The following PCDHGB1 variants were observed in gnomAD, a reference collection of about 807,000 sequenced individuals.
PCDHGB1 encodes protocadherin gamma subfamily B, 1, also known as protocadherin gamma-B1.
Under a neutral mutation model 56.6 loss-of-function variants are expected in PCDHGB1, and 34 were observed. The observed-to-expected ratio is 0.60, with a 90% CI of 0.46 to 0.80. The LOEUF (loss-of-function observed/expected upper bound fraction) is 0.80, where lower values mean the gene tolerates loss of function less well. PCDHGB1 is among the 30% of genes least tolerant of loss of function. The pLI is 0.00. For synonymous variants in PCDHGB1, 561 were observed against 505.9 expected (o/e 1.11, Z -1.46); for missense variants, 1,278 against 1,204.6 (o/e 1.06, Z -0.90).
intron 1 of PCDHGB1, chr5:141,366,482 C>A: frequency 6.2e-7 from 1 of 1,614,242 alleles, no homozygotes; most frequent in Non-Finnish European, 8.5e-7. Flanking sequence ...CAGACTGAGG[C>A]GCTGGCACAA....
At position 141,401,132 on chromosome 5, in the gene PCDHGB1, A is replaced by G. The variant is rs534048041; in HGVS notation, c.2409+48463A>G. Among the ~76,000 whole-genome samples, 4 of 152,344 alleles carry G rather than the reference A, an allele frequency of 2.6e-5. No homozygotes were observed. In the South Asian group the frequency reaches 8.3e-4, roughly 32 times the overall value. ...GCCGAGGCGGTTGGATCACATGGTCAGGAGTTCAAGACCAGCCTGGGCAAT... is the reference window on the plus strand; with the variant it reads ...GCCGAGGCGGTTGGATCACATGGTCGGGAGTTCAAGACCAGCCTGGGCAAT... On this transcript the variant is annotated intron_variant, in intron 1 of 3. Coordinates refer to ENST00000523390, the MANE Select transcript of PCDHGB1 (RefSeq NM_018922.3).
chr5:141,511,537 A>C lies in PCDHGB1; in HGVS notation c.*364A>C. 6.3e-6 allele frequency: 2 copies of C among 319,254 alleles called. No individual in the cohort carries two copies. The highest frequency in any genetic ancestry group is 6.7e-5 in the South Asian group (2 of 29,854). 19.8% of individuals were successfully genotyped at this position (319,254 alleles called of 1,614,324 possible). A position where few individuals can be genotyped will look rare whatever the true frequency, so the allele number is the denominator to read the frequency against. On this transcript the variant is annotated 3_prime_UTR_variant, in exon 4 of 4. Transcript: ENST00000523390. ...TCCATCCCATGCCTCCCTCCTCCCC[A>C]CCCCACTCCAACAGTTCCTCTTTCC... is the stretch of plus-strand genomic sequence containing the variant.
At position 141,510,993 on chromosome 5, in the gene PCDHGB1, G is replaced by A. The variant is rs1457918073; in HGVS notation, c.2604G>A (p.Met868Ile). The A allele has an allele frequency of 4.3e-6, 7 of 1,614,046 alleles. No homozygotes were observed. Among genetic ancestry groups the A allele is most frequent in the African/African-American group, 1.3e-5 (1 of 74,906 alleles). ...CCCTGGGAGGGGGTGCCGGCACCAT[G>A]GGATTGAGCGCCCGCTACGGACCCC... ...SSTLGGGAGT[M>I]GLSARYGPQF... The change falls in exon 4 of 4, where the codon ATG (methionine) becomes ATA (isoleucine). Residue 868 changes from methionine to isoleucine, a missense_variant. Transcript: ENST00000523390.
intron 1 of PCDHGB1, among the ~76,000 whole-genome samples, chr5:141,473,831 A>G (rs950283433): frequency 1.3e-5 from 2 of 152,252 alleles, no homozygotes; most frequent in African/African-American, 4.8e-5. Context: ...GTGTGATCCA[A>G]TTAAAATTTT....
intron 1 of PCDHGB1, chr5:141,415,069 A>G (rs1323441877): frequency 1.1e-5 from 18 of 1,613,420 alleles, no homozygotes; most frequent in Non-Finnish European, 1.5e-5. Flanking sequence ...CGAGGTGCGC[A>G]CGGCGCGAGC....
At chr5:141,492,404 T>C (rs944864208) in intron 1 of PCDHGB1, among the ~76,000 whole-genome samples, 9 of 152,316 alleles carry the variant, frequency 5.9e-5, no homozygotes, top group African/African-American at 1.9e-4. Context: ...GCAGCTCCCC[T>C]CTGCCGCTCC....
intron 1 of PCDHGB1, chr5:141,402,987 G>GATTA: frequency 6.2e-7 from 1 of 1,611,924 alleles, no homozygotes; most frequent in Non-Finnish European, 8.5e-7. Flanking sequence ...CTCCGCGGAA[G>GATTA]ATTAGTCCTG....
chr5:141,502,450 C>T (rs184669731), intron 2 of PCDHGB1, among the ~76,000 whole-genome samples: 3 of 152,010 alleles, frequency 2.0e-5, no homozygotes, highest in Admixed American at 1.3e-4. Context: ...AGATTACACA[C>T]CTTGGTAGGA....
At chr5:141,362,229 G>A (rs900469098) in intron 1 of PCDHGB1, 22 of 1,613,912 alleles carry the variant, frequency 1.4e-5, no homozygotes, top group Non-Finnish European at 1.9e-5. Flanking sequence ...CCTTGGCCTT[G>A]ATCTCAGTGC....
intron 1 of PCDHGB1, chr5:141,394,240 C>G (rs1392586422): frequency 6.2e-7 from 1 of 1,613,822 alleles, no homozygotes; most frequent in African/African-American, 1.3e-5. Flanking sequence ...TCCTTGACTG[C>G]ACACGACCCC....
chr5:141,369,855 C>T (rs904166115), intron 1 of PCDHGB1, among the ~76,000 whole-genome samples: 4 of 152,098 alleles, frequency 2.6e-5, no homozygotes, highest in African/African-American at 7.2e-5. Context: ...TTTTATTTGG[C>T]CCTCATTTCT....
In PCDHGB1 at chr5:141,489,223, C is replaced by T. The variant is rs771455540; in HGVS notation, c.2410-5584C>T. The T allele has an allele frequency of 6.6e-7, 1 of 1,515,444 alleles. No homozygotes were observed. The highest frequency in any genetic ancestry group is 1.3e-5 in the South Asian group (1 of 75,776). 93.9% of individuals were successfully genotyped at this position (1,515,444 alleles called of 1,614,324 possible). A position where few individuals can be genotyped will look rare whatever the true frequency, so the allele number is the denominator to read the frequency against. The stretch of plus-strand genomic sequence containing the variant: ...CAGGACAGCACAGACTTACTCTCCA[C>T]AAAGGGACTTCTGGGTCATGGGGCC... On this transcript the variant is annotated intron_variant, in intron 1 of 3. Coordinates refer to ENST00000523390, the MANE Select transcript of PCDHGB1 (RefSeq NM_018922.3). The surrounding 1 kb of genome is among the most constrained non-coding windows in gnomAD (Gnocchi z 4.5).
At chr5:141,354,906 A>G (rs942158415) in intron 1 of PCDHGB1, 1 of 402,682 alleles carries the variant, frequency 2.5e-6, no homozygotes, top group Non-Finnish European at 4.4e-6. Context: ...ATAGGAATAG[A>G]AAAGTGTATA....
Position 141,350,270 on chromosome 5 carries a change from G to T in PCDHGB1, c.10G>T (p.Ala4Ser). The change falls in exon 1 of 4, where the codon GCC becomes TCC. Residue 4 changes from alanine to serine, a missense_variant. By Grantham distance (99) the Ala-to-Ser change is moderately conservative (BLOSUM62 1). Transcript: ENST00000523390. MQR[A>S]REAEMMKSQV... Reference sequence around the variant, plus strand: ...GCGGAGAGTTCCTGAAATGCAGAGAGCCAGAGAAGCCGAAATGATGAAAAG... The same window carrying T: ...GCGGAGAGTTCCTGAAATGCAGAGATCCAGAGAAGCCGAAATGATGAAAAG... 1 of 1,512,730 alleles carries T rather than the reference G, an allele frequency of 6.6e-7. No individual in the cohort carries two copies. The highest frequency in any genetic ancestry group is 8.8e-7 in the Non-Finnish European group (1 of 1,132,452). The allele number at this position is 1,512,730 out of a possible 1,614,324, so 93.7% of individuals were successfully genotyped here. A position where few individuals can be genotyped will look rare whatever the true frequency, so the allele number is the denominator to read the frequency against.
rs769078532 is a variant in PCDHGB1 at position 141,351,045 on chromosome 5, T to C, written c.785T>C (p.Met262Thr). ...TGGGGAACCTCCGTGCTGCGGGTGA[T>C]GGCCACAGACCAGGATGAGGGCATT... is the stretch of plus-strand genomic sequence containing the variant. ...VPWGTSVLRV[M>T]ATDQDEGINA... The change falls in exon 1 of 4, where the codon ATG (methionine) becomes ACG (threonine). Residue 262 changes from methionine to threonine, a missense_variant. Coordinates refer to ENST00000523390, the MANE Select transcript of PCDHGB1 (RefSeq NM_018922.3). 5.6e-6 allele frequency: 9 copies of C among 1,613,972 alleles called. No homozygotes were observed. The Middle Eastern group carries it at 6.6e-4, about 118-fold the overall frequency.
rs2154591169 is a variant in PCDHGB1 at position 141,493,606 on chromosome 5, T to A, written c.2410-1201T>A. Among the ~76,000 whole-genome samples, 1 of 152,278 alleles carries A rather than the reference T, an allele frequency of 6.6e-6. No homozygotes were observed. Among genetic ancestry groups the A allele is most frequent in the Non-Finnish European group, 1.5e-5 (1 of 68,022 alleles). ...ACAATCACTGCATTTCCATGTAGAT[T>A]CTGCTGTGTCTAAGAATACAGTGGC... On this transcript the variant is annotated intron_variant, in intron 1 of 3. Transcript: ENST00000523390. This position sits in a 1 kb window ranked among gnomAD's most constrained non-coding sequence, Gnocchi z 4.3.
chr5:141,477,794 C>G lies in PCDHGB1; in HGVS notation c.2410-17013C>G, dbSNP rs148942362. The G allele has an allele frequency of 6.2e-7, 1 of 1,614,086 alleles. No individual in the cohort carries two copies. The highest frequency in any genetic ancestry group is 1.1e-5 in the South Asian group (1 of 91,082). On this transcript the variant is annotated intron_variant, in intron 1 of 3. Transcript: ENST00000523390. This position sits in a 1 kb window ranked among gnomAD's most constrained non-coding sequence, Gnocchi z 4.9. ...CAGCGTGAACATATTTGTCACTGAT[C>G]GCAATGACAATGCCCCCCAGGTCCT...
At position 141,390,084 on chromosome 5, in the gene PCDHGB1, G is replaced by A. The variant is rs755692863; in HGVS notation, c.2409+37415G>A. Reference sequence around the variant, plus strand: ...CCAGCCTGGTCTCTGTGTTAAATCCGAATCCGTGGTTCCCCCCAACTACAG... The same window carrying A: ...CCAGCCTGGTCTCTGTGTTAAATCCAAATCCGTGGTTCCCCCCAACTACAG... On this transcript the variant is annotated intron_variant, in intron 1 of 3. Transcript: ENST00000523390. 8 of 1,613,954 alleles carry A rather than the reference G, an allele frequency of 5.0e-6. No homozygotes were observed. In the African/African-American group the frequency reaches 9.3e-5, roughly 19 times the overall value.
chr5:141,461,392 A>G (rs781666201), intron 1 of PCDHGB1, among the ~76,000 whole-genome samples: 18 of 152,178 alleles, frequency 1.2e-4, no homozygotes, highest in Non-Finnish European at 2.2e-4. Context: ...ATGATTAGCG[A>G]TGTTGAGCAT....
Sources: allele counts gnomAD v4.1 joint callset (sites outside exome capture counted in the v4.1 genomes callset), GRCh38; gene constraint gnomAD v4.1.1; non-coding constraint Gnocchi (gnomAD v3.1); transcripts MANE v1.5; gene names NCBI Gene and HGNC (gene_info 2026-07-23, HGNC 2026-07-21).